ZNF704: variants seen among roughly 807,000 people sequenced by gnomAD.
The protein encoded by ZNF704 is glucocorticoid induced gene 1.
In ZNF704, 10 loss-of-function variants were observed where a neutral mutation model predicts 44.7. The observed-to-expected ratio is 0.22, with a 90% CI of 0.14 to 0.38. ZNF704 has a LOEUF of 0.38. Among genes scored for constraint, ZNF704 ranks in the 10% least tolerant of loss-of-function variants. ZNF704 has a pLI of 1.00. For synonymous variants in ZNF704, 211 were observed against 207.6 expected, an observed-to-expected ratio of 1.02 and a Z score of -0.14; for missense variants, 390 against 545.5, an observed-to-expected ratio of 0.71 and a Z score of 2.84.
At chr8:80,710,985 C>T (rs984494549) in intron 2 of ZNF704, among the ~76,000 whole-genome samples, 10 of 152,196 alleles carry the variant, frequency 6.6e-5, no homozygotes, top group East Asian at 1.9e-4. Flanking sequence ...GCTGCAGTTT[C>T]GCATAGGGCT....
Position 80,636,996 on chromosome 8 carries a change from C to T in ZNF704, c.*4370G>A, listed in dbSNP as rs1230412680. On this transcript the variant is annotated 3_prime_UTR_variant, in exon 9 of 9. Coordinates refer to ENST00000327835, the MANE Select transcript of ZNF704 (RefSeq NM_001033723.3). The stretch of plus-strand genomic sequence containing the variant: ...AAAAGGACCAGCAAGGCTTTGTATT[C>T]ACAATTACATTCAGAAAAAGCCTTA... 6.6e-6 allele frequency: 1 copy of T among 152,178 alleles called. No individual in the cohort carries two copies. The highest frequency in any genetic ancestry group is 2.4e-5 in the African/African-American group (1 of 41,424). 9.4% of individuals were successfully genotyped at this position (152,178 alleles called of 1,614,324 possible).
intron 4 of ZNF704, among the ~76,000 whole-genome samples, chr8:80,675,158 G>A (rs1818344000): frequency 6.6e-6 from 1 of 152,214 alleles, no homozygotes; most frequent in African/African-American, 2.4e-5. Flanking sequence ...CCTGTAGAAG[G>A]TGACTATTGA....
At chr8:80,707,526 T>C (rs181658085) in intron 2 of ZNF704, among the ~76,000 whole-genome samples, 30 of 152,152 alleles carry the variant, frequency 2.0e-4, no homozygotes, top group African/African-American at 6.5e-4. Context: ...ATACTCAAAC[T>C]CTAACCTCTA....
At chr8:80,758,376 C>G (rs969678131) in intron 2 of ZNF704, among the ~76,000 whole-genome samples, 1 of 152,130 alleles carries the variant, frequency 6.6e-6, no homozygotes, top group African/African-American at 2.4e-5. Context: ...AGGCCTTTGT[C>G]AAGTGTCACC....
chr8:80,769,902 G>C (rs1204367928), intron 2 of ZNF704, among the ~76,000 whole-genome samples: 1 of 152,098 alleles, frequency 6.6e-6, no homozygotes, highest in Non-Finnish European at 1.5e-5. Context: ...CCTAAGACTG[G>C]GCAATTTACA....
At chr8:80,706,338 A>G (rs1347751054) in intron 2 of ZNF704, among the ~76,000 whole-genome samples, 1 of 152,064 alleles carries the variant, frequency 6.6e-6, no homozygotes, top group Non-Finnish European at 1.5e-5. Flanking sequence ...AAATAAGGTG[A>G]TTTTTTTCCC....
intron 2 of ZNF704, among the ~76,000 whole-genome samples, chr8:80,730,064 A>C (rs566043170): frequency 6.6e-6 from 1 of 152,322 alleles, no homozygotes; most frequent in East Asian, 1.9e-4. Flanking sequence ...AGGTGGACGG[A>C]AACAGAACAC....
Position 80,826,142 on chromosome 8 carries a change from G to A in ZNF704, c.-21-4527C>T, listed in dbSNP as rs370870679. Among the ~76,000 whole-genome samples, 33 of 152,174 alleles carry A rather than the reference G, an allele frequency of 2.2e-4. No homozygotes were observed. In the East Asian group the frequency reaches 5.2e-3, roughly 24 times the overall value. Reference sequence around the variant, plus strand: ...AAAAAAATCAATGAATCCAGGAGGTGGTTTTTTGAAAAGATCAACAAAATT... The same window carrying A: ...AAAAAAATCAATGAATCCAGGAGGTAGTTTTTTGAAAAGATCAACAAAATT... On this transcript the variant is annotated intron_variant, in intron 1 of 8. Coordinates refer to ENST00000327835, the MANE Select transcript of ZNF704 (RefSeq NM_001033723.3).
At chr8:80,737,376 A>G (rs1806684910) in intron 2 of ZNF704, among the ~76,000 whole-genome samples, 1 of 152,194 alleles carries the variant, frequency 6.6e-6, no homozygotes, top group Non-Finnish European at 1.5e-5. Context: ...GACTGTTGCT[A>G]GGAGGACACA....
intron 2 of ZNF704, among the ~76,000 whole-genome samples, chr8:80,809,281 G>T (rs1413328681): frequency 6.6e-6 from 1 of 152,172 alleles, no homozygotes; most frequent in East Asian, 1.9e-4. Context: ...ACAAAAGTGA[G>T]TGAGACTTCA....
chr8:80,769,834 C>T (rs1807289446), intron 2 of ZNF704, among the ~76,000 whole-genome samples: 1 of 152,066 alleles, frequency 6.6e-6, no homozygotes, highest in African/African-American at 2.4e-5. Context: ...TTCAGCAGTG[C>T]CCCACTCTAC....
At chr8:80,691,175 C>G (rs1254423913) in intron 3 of ZNF704, among the ~76,000 whole-genome samples, 3 of 152,092 alleles carry the variant, frequency 2.0e-5, no homozygotes, top group Non-Finnish European at 4.4e-5. Flanking sequence ...AATGTATGTT[C>G]AACAAATTTA....
Position 80,821,395 on chromosome 8 carries a change from T to G in ZNF704, c.200A>C (p.Asn67Thr). ...TTACCTTGCTGGAGGAACATCAATG[T>G]TGGAGGAAACAACTTTTCTTTTTTG... is the stretch of plus-strand genomic sequence containing the variant. The part of the protein sequence containing the change: ...LEQKRKVVSS[N>T]IDVPPARKSS... The change falls in exon 2 of 9, where the codon AAC becomes ACC. Residue 67 changes from asparagine (N) to threonine (T), a missense_variant. Coordinates refer to ENST00000327835, the MANE Select transcript of ZNF704 (RefSeq NM_001033723.3). The G allele has an allele frequency of 6.2e-7, 1 of 1,613,670 alleles. No homozygotes were observed. The highest frequency in any genetic ancestry group is 8.5e-7 in the Non-Finnish European group (1 of 1,179,934).
At chr8:80,870,018 A>G (rs189134193) in intron 1 of ZNF704, among the ~76,000 whole-genome samples, 1 of 152,268 alleles carries the variant, frequency 6.6e-6, no homozygotes, top group Non-Finnish European at 1.5e-5. Context: ...TCTGCCAACA[A>G]TCTATGTAAG....
At chr8:80,748,216 C>T (rs1806880265) in intron 2 of ZNF704, among the ~76,000 whole-genome samples, 1 of 151,954 alleles carries the variant, frequency 6.6e-6, no homozygotes, top group Non-Finnish European at 1.5e-5. Context: ...AAAATAATGG[C>T]AAGTATATAA....
At chr8:80,707,752 T>C (rs1818919397) in intron 2 of ZNF704, among the ~76,000 whole-genome samples, 2 of 152,268 alleles carry the variant, frequency 1.3e-5, no homozygotes, top group Admixed American at 1.3e-4. Flanking sequence ...AATGGTTCTC[T>C]TTTCTAGGGT....
chr8:80,874,370 T>G lies in ZNF704; in HGVS notation c.-22+201A>C, dbSNP rs1286362304. On this transcript the variant is annotated intron_variant, in intron 1 of 8. Coordinates refer to ENST00000327835, the MANE Select transcript of ZNF704 (RefSeq NM_001033723.3). The surrounding 1 kb of genome is among the most constrained non-coding windows in gnomAD (Gnocchi z 4.4). ...GAGCCGCGGGCCGCGCTGCGCTCCA[T>G]GCGGCCGGCGGCCGAGCCCGCGCGC... 1.4e-5 allele frequency among the ~76,000 whole-genome samples: 2 copies of G among 145,726 alleles called. No homozygotes were observed. The highest frequency in any genetic ancestry group is 2.1e-4 in the South Asian group (1 of 4,780).
At position 80,770,050 on chromosome 8, in the gene ZNF704, C is replaced by T. The variant is rs559779325; in HGVS notation, c.221+51324G>A. On this transcript the variant is annotated intron_variant, in intron 2 of 8. Transcript: ENST00000327835. ...TGCAGGGAAACTCCCCCTTATGAAACCATCAGATCTTGTGAGATGTATTCA... is the reference window on the plus strand; with the variant it reads ...TGCAGGGAAACTCCCCCTTATGAAATCATCAGATCTTGTGAGATGTATTCA... Among the ~76,000 whole-genome samples the T allele has an allele frequency of 2.0e-5, 3 of 152,274 alleles. No individual in the cohort carries two copies. In the South Asian group the frequency reaches 6.2e-4, roughly 32 times the overall value.
At chr8:80,871,871 G>C (rs142963966) in intron 1 of ZNF704, among the ~76,000 whole-genome samples, 1 of 152,158 alleles carries the variant, frequency 6.6e-6, no homozygotes, top group South Asian at 2.1e-4. Context: ...GTGGGCAAAT[G>C]AGAGTGTTAT....
Sources: allele counts gnomAD v4.1 joint callset (sites outside exome capture counted in the v4.1 genomes callset), GRCh38; gene constraint gnomAD v4.1.1; non-coding constraint Gnocchi (gnomAD v3.1); transcripts MANE v1.5; gene names NCBI Gene and HGNC (gene_info 2026-07-23, HGNC 2026-07-21).